Variants in IMMP2L observed in about 807,000 individuals in gnomAD.
IMMP2L encodes inner mitochondrial membrane peptidase subunit 2.
A neutral mutation model predicts 19.3 loss-of-function variants in IMMP2L; 18 were observed. The ratio of observed to expected loss-of-function variants is 0.93; its 90% confidence interval spans 0.64 to 1.38. IMMP2L has a LOEUF of 1.38. Ranked by LOEUF, IMMP2L falls within the 40% of genes most tolerant of loss-of-function variation. The probability of loss-of-function intolerance (pLI) is 0.00; values close to 1 mark genes in which losing one functional copy is unlikely to be tolerated. For missense variants in IMMP2L, 233 were observed against 218.2 expected (o/e 1.07, Z -0.43); for synonymous variants, 76 against 73.0 (o/e 1.04, Z -0.21).
intron 3 of IMMP2L, among the ~76,000 whole-genome samples, chr7:111,298,699 T>A (rs966697730): frequency 1.3e-5 from 2 of 148,428 alleles, no homozygotes; most frequent in Non-Finnish European, 3.0e-5. Context: ...TAGGTTACAG[T>A]GAGCCAAGAT....
intron 5 of IMMP2L, among the ~76,000 whole-genome samples, chr7:110,802,018 T>C (rs1055510583): frequency 2.0e-5 from 3 of 152,172 alleles, no homozygotes; most frequent in African/African-American, 7.2e-5. Flanking sequence ...CTCCATGAAA[T>C]ACATGGAGCC....
chr7:111,390,801 G>T (rs1215151048), intron 3 of IMMP2L: 1 of 152,054 alleles, frequency 6.6e-6, no homozygotes, highest in Non-Finnish European at 1.5e-5. Context: ...AGAAATTATG[G>T]AACTGCAGTG....
At position 111,197,244 on chromosome 7, in the gene IMMP2L, C is replaced by T. The variant is rs142613964; in HGVS notation, c.240-233679G>A. Among the ~76,000 whole-genome samples, 75 of 152,130 alleles carry T rather than the reference C, an allele frequency of 4.9e-4. No homozygotes were observed. The East Asian group carries it at 0.014, about 29-fold the overall frequency. On this transcript the variant is annotated intron_variant, in intron 3 of 5. Transcript: ENST00000405709. ...TTGGAAGGCCAAGGTGGGCGGATCA[C>T]GAGGTCAGGAGATGGATACCATCCT...
At chr7:111,491,604 G>A (rs1294529210) in intron 2 of IMMP2L, among the ~76,000 whole-genome samples, 1 of 152,142 alleles carries the variant, frequency 6.6e-6, no homozygotes, top group Non-Finnish European at 1.5e-5. Flanking sequence ...GGGCTTTACT[G>A]AGCCATGGTG....
At chr7:110,932,714 T>G (rs1467396136) in intron 4 of IMMP2L, among the ~76,000 whole-genome samples, 2 of 152,212 alleles carry the variant, frequency 1.3e-5, no homozygotes, top group East Asian at 3.9e-4. Flanking sequence ...ATTTTTGCCT[T>G]TGCAAAAAAA....
At chr7:111,016,606 T>C (rs1825609540) in intron 3 of IMMP2L, among the ~76,000 whole-genome samples, 1 of 110,268 alleles carries the variant, frequency 9.1e-6, no homozygotes, top group South Asian at 2.5e-4. Flanking sequence ...TACTATATAT[T>C]ATATATAATA....
chr7:111,005,320 T>C (rs1824178260), intron 3 of IMMP2L, among the ~76,000 whole-genome samples: 1 of 152,166 alleles, frequency 6.6e-6, no homozygotes, highest in Admixed American at 6.6e-5. Context: ...GAAAACCATA[T>C]ACAGTGTTTG....
chr7:111,357,123 C>T (rs1226669347), intron 3 of IMMP2L, among the ~76,000 whole-genome samples: 1 of 152,184 alleles, frequency 6.6e-6, no homozygotes. Flanking sequence ...TCACTAACCA[C>T]TTCAAGAAGG....
At chr7:110,865,259 T>C (rs1040242209) in intron 5 of IMMP2L, among the ~76,000 whole-genome samples, 18 of 152,138 alleles carry the variant, frequency 1.2e-4, no homozygotes. Flanking sequence ...AAAAGATGGA[T>C]TCTGACAAAC....
chr7:110,886,094 G>C (rs1585140038), intron 5 of IMMP2L, among the ~76,000 whole-genome samples: 2 of 152,030 alleles, frequency 1.3e-5, no homozygotes, highest in East Asian at 3.9e-4. Context: ...CTATGACTCT[G>C]TCTTATGTCA....
At chr7:111,446,140 G>A (rs529477179) in intron 3 of IMMP2L, among the ~76,000 whole-genome samples, 49 of 152,250 alleles carry the variant, frequency 3.2e-4, no homozygotes, top group African/African-American at 1.1e-3. Flanking sequence ...AGGGGCGCCC[G>A]CCATTGCCCA....
chr7:110,913,916 G>A (rs1813313772), intron 4 of IMMP2L, among the ~76,000 whole-genome samples: 1 of 152,176 alleles, frequency 6.6e-6, no homozygotes. Flanking sequence ...TGTTGGGTTG[G>A]AGGAGGGATC....
At chr7:110,908,362 AC>A (rs1812693795) in intron 4 of IMMP2L, among the ~76,000 whole-genome samples, 1 of 152,142 alleles carries the variant, frequency 6.6e-6, no homozygotes, top group Non-Finnish European at 1.5e-5. Flanking sequence ...CTTTCCTTTA[AC>A]ATGAACTTGC....
At position 110,870,552 on chromosome 7, in the gene IMMP2L, GTGTGTGTGTGTGCACGCGCA is replaced by G. The variant is rs890469396; in HGVS notation, c.408+16021_408+16040del. On this transcript the variant is annotated intron_variant, in intron 5 of 5. Transcript: ENST00000405709. The surrounding 1 kb of genome is among the most constrained non-coding windows in gnomAD (Gnocchi z 4.2). ...AGTAGCTAGAAGCAGGTGTGTGTGAGTGTGTGTGTGTGCACGCGCATGTGTGCGTGTGTTCCATTTTGTTA... is the reference window on the plus strand; with the variant it reads ...AGTAGCTAGAAGCAGGTGTGTGTGAGTGTGTGCGTGTGTTCCATTTTGTTA... 6.6e-6 allele frequency among the ~76,000 whole-genome samples: 1 copy of G among 151,890 alleles called. No homozygotes were observed. Among genetic ancestry groups the G allele is most frequent in the Admixed American group, 6.6e-5 (1 of 15,238 alleles).
intron 3 of IMMP2L, among the ~76,000 whole-genome samples, chr7:111,481,023 T>C (rs1169430673): frequency 6.6e-6 from 1 of 152,140 alleles, no homozygotes; most frequent in African/African-American, 2.4e-5. Context: ...CTTGCTCAAA[T>C]CTTTATGACT....
At chr7:110,950,841 CATATATATATATATATATAT>C (rs34797718) in intron 4 of IMMP2L, among the ~76,000 whole-genome samples, 7 of 100,634 alleles carry the variant, frequency 7.0e-5, no homozygotes, top group African/African-American at 2.6e-4. Context: ...CAAAATGTGG[CATATATATATATATATATAT>C]ATATATATAT....
At chr7:110,987,995 CA>C (rs1822037100) in intron 3 of IMMP2L, among the ~76,000 whole-genome samples, 1 of 151,946 alleles carries the variant, frequency 6.6e-6, no homozygotes, top group South Asian at 2.1e-4. Context: ...GTTAGAAAAA[CA>C]AATGGAGAAA....
intron 3 of IMMP2L, chr7:111,091,415 C>T (rs1243748240): frequency 6.6e-6 from 1 of 152,146 alleles, no homozygotes; most frequent in Non-Finnish European, 1.5e-5. Context: ...CGGGCAAGAA[C>T]ACAACCATGT....
intron 3 of IMMP2L, among the ~76,000 whole-genome samples, chr7:111,119,784 C>T (rs1800363207): frequency 6.7e-6 from 1 of 149,274 alleles, no homozygotes; most frequent in Admixed American, 6.6e-5. Flanking sequence ...CAAAGCCAGG[C>T]AGGCCTCACG....
Sources: gnomAD v4.1 joint callset for allele counts (sites outside exome capture counted in the v4.1 genomes callset) on GRCh38, gnomAD v4.1.1 for gene constraint, Gnocchi (gnomAD v3.1) non-coding constraint, MANE v1.5 for transcripts, NCBI Gene and HGNC (gene_info 2026-07-23, HGNC 2026-07-21) for gene names.